The following RNF213 variants were observed in gnomAD, a reference collection of about 807,000 sequenced individuals.
The protein encoded by RNF213 is E3 ubiquitin-protein ligase RNF213.
A neutral mutation model predicts 514.4 loss-of-function variants in RNF213; 341 were observed. That is an observed-to-expected ratio of 0.66 (90% CI 0.61 to 0.73). RNF213 has a LOEUF of 0.73. Ranked by LOEUF, RNF213 falls within the 30% of genes least tolerant of loss-of-function variation. The pLI is 0.00. For synonymous variants in RNF213, 2,655 were observed against 2,658.2 expected, an observed-to-expected ratio of 1.00 and a Z score of 0.04; for missense variants, 5,767 against 6,615.6, an observed-to-expected ratio of 0.87 and a Z score of 4.45.
Position 80,289,767 on chromosome 17 carries a change from A to C in RNF213, c.1042A>C (p.Ser348Arg), listed in dbSNP as rs2044623605. The C allele has an allele frequency of 1.9e-6, 3 of 1,613,802 alleles. No homozygotes were observed. The South Asian group carries it at 3.3e-5, about 18-fold the overall frequency. The part of the protein sequence containing the change: ...DLKKPEGKNR[S>R]AAAVKNEKEQ... Reference sequence around the variant, plus strand: ...CAAGAAGCCAGAGGGGAAGAACAGAAGTGCAGCTGCTGTGAAAAACGAGAA... The same window carrying C: ...CAAGAAGCCAGAGGGGAAGAACAGACGTGCAGCTGCTGTGAAAAACGAGAA... The change falls in exon 6 of 68, where the codon AGT becomes CGT. Residue 348 changes from serine (S) to arginine (R), a missense_variant. Transcript: ENST00000582970.
At chr17:80,344,532 A>G (rs2078249067) in intron 28 of RNF213, 146 bp from the exon 29 acceptor site, 22 of 883,658 alleles carry the variant, frequency 2.5e-5, no homozygotes, top group Non-Finnish European at 3.8e-5. Flanking sequence ...TATGCTGTGG[A>G]AAAAAAGACT....
intron 42 of RNF213, chr17:80,365,081 C>T: frequency 5.3e-6 from 1 of 189,858 alleles, no homozygotes; most frequent in Non-Finnish European, 1.1e-5. Context: ...AACCTGTGAC[C>T]CTACAGTGAT....
intron 15 of RNF213, among the ~76,000 whole-genome samples, chr17:80,314,278 A>T (rs2045745018): frequency 1.1e-5 from 1 of 87,112 alleles, no homozygotes; most frequent in East Asian, 4.5e-4. Context: ...GTGATGGTGG[A>T]GGTACTGGAG....
chr17:80,284,117 T>C (rs1439696033), intron 3 of RNF213, among the ~76,000 whole-genome samples: 1 of 151,016 alleles, frequency 6.6e-6, no homozygotes, highest in Non-Finnish European at 1.5e-5. Flanking sequence ...CCCAGCACTT[T>C]GGGAGGCCGA....
At chr17:80,306,162 C>T in intron 11 of RNF213, 90 bp from the exon 12 acceptor site, 2 of 1,252,140 alleles carry the variant, frequency 1.6e-6, no homozygotes, top group Non-Finnish European at 2.3e-6. Context: ...GAATTCGGGA[C>T]TGTTTCTGTC....
intron 60 of RNF213, 32 bp downstream of exon 60, chr17:80,385,203 T>C (rs2080183828): frequency 6.2e-7 from 1 of 1,613,872 alleles, no homozygotes; most frequent in African/African-American, 1.3e-5. Context: ...ACCAGGACTG[T>C]CCCGCATTTG....
Position 80,371,702 on chromosome 17 carries a change from C to G in RNF213, c.12426-172C>G, listed in dbSNP as rs2079523560. On this transcript the variant is annotated intron_variant, in intron 46 of 67. Coordinates refer to ENST00000582970, the MANE Select transcript of RNF213 (RefSeq NM_001256071.3). ...TCTAAAATGTGAGTTTTATATTCCT[C>G]CAGTATTATGCTAAAAGGTTTTCCA... The G allele has an allele frequency of 5.4e-6, 3 of 558,822 alleles. No individual in the cohort carries two copies. The East Asian group carries it at 9.2e-5, about 17-fold the overall frequency. 34.6% of individuals were successfully genotyped at this position (558,822 alleles called of 1,614,324 possible). A position where few individuals can be genotyped will look rare whatever the true frequency, so the allele number is the denominator to read the frequency against.
Position 80,376,963 on chromosome 17 carries a change from A to G in RNF213, c.13510A>G (p.Thr4504Ala), listed in dbSNP as rs768187944. Residue 4504 changes from threonine (T) to alanine (A), a missense_variant and splice_region_variant, in exon 53 of 68, where the codon ACT becomes GCT. Thr to Ala is a moderately conservative substitution (Grantham distance 58). Transcript: ENST00000582970. Reference protein sequence around the residue: ...WKGLERVHWYTCPNGHPCSVG... With the variant: ...WKGLERVHWYACPNGHPCSVG... Reference sequence around the variant, plus strand: ...GGGTCTGGAGCGAGTCCACTGGTACAGTAAGTGTTGGGGTCTAGATGACCC... The same window carrying G: ...GGGTCTGGAGCGAGTCCACTGGTACGGTAAGTGTTGGGGTCTAGATGACCC... 100 of 1,612,508 alleles carry G rather than the reference A, an allele frequency of 6.2e-5. No homozygotes were observed. Among genetic ancestry groups the G allele is most frequent in the Non-Finnish European group, 8.4e-5 (99 of 1,178,794 alleles).
At position 80,264,816 on chromosome 17, in the gene RNF213, C is replaced by T. The variant is rs985449121; in HGVS notation, c.97+1038C>T. Among the ~76,000 whole-genome samples, 4 of 152,220 alleles carry T rather than the reference C, an allele frequency of 2.6e-5. No homozygotes were observed. Among genetic ancestry groups the T allele is most frequent in the Admixed American group, 2.6e-4 (4 of 15,270 alleles). On this transcript the variant is annotated intron_variant, in intron 2 of 67. Transcript: ENST00000582970. This position sits in a 1 kb window ranked among gnomAD's most constrained non-coding sequence, Gnocchi z 5.0. ...CACGAGGTCCTACATAGACGGCTGC[C>T]CACCCCATTCCTCTTGGCTCCCTCT...
intron 62 of RNF213, 103 bp downstream of exon 62, chr17:80,386,533 T>A (rs554376730): frequency 3.5e-6 from 5 of 1,436,574 alleles, no homozygotes; most frequent in African/African-American, 2.8e-5. Context: ...TAACAGACAC[T>A]CACTCCTTCA....
At chr17:80,328,136 G>A in intron 19 of RNF213, 147 bp downstream of exon 19, 1 of 1,163,228 alleles carries the variant, frequency 8.6e-7, no homozygotes, top group Non-Finnish European at 1.2e-6. Context: ...AGTTGATAGG[G>A]GTGGTTTATA....
At position 80,294,829 on chromosome 17, in the gene RNF213, G is replaced by C. The variant is rs1236003122; in HGVS notation, c.1581G>C (p.Gln527His). The change falls in exon 9 of 68, where the codon CAG (glutamine) becomes CAC (histidine). Residue 527 changes from glutamine (Q) to histidine (H), a missense_variant. This residue lies in a region of RNF213 where 592 missense variants were observed against 673.9 expected (regional missense o/e 0.88). Coordinates refer to ENST00000582970, the MANE Select transcript of RNF213 (RefSeq NM_001256071.3). ...GPRKDLVKGK[Q>H]IAAALMLDST... ...GGAAGGACCTGGTGAAGGGGAAGCAGATTGCCGCTGCGCTCATGCTGGACA... is the reference window on the plus strand; with the variant it reads ...GGAAGGACCTGGTGAAGGGGAAGCACATTGCCGCTGCGCTCATGCTGGACA... The C allele has an allele frequency of 1.2e-6, 2 of 1,614,232 alleles. No homozygotes were observed. Among genetic ancestry groups the C allele is most frequent in the Non-Finnish European group, 1.7e-6 (2 of 1,180,048 alleles).
chr17:80,325,724 G>A (rs1218493898), intron 18 of RNF213, among the ~76,000 whole-genome samples: 2 of 151,940 alleles, frequency 1.3e-5, no homozygotes, highest in African/African-American at 2.4e-5. Context: ...GAGGGAGAGA[G>A]AGAGACATTC....
Position 80,312,995 on chromosome 17 carries a change from C to G in RNF213, c.2656-17C>G, listed in dbSNP as rs1325541742. ...CACAGCCGAGGATGACTGACCCTCCCTCTTGTGTGACAACAGGATTCTGCA... is the reference window on the plus strand; with the variant it reads ...CACAGCCGAGGATGACTGACCCTCCGTCTTGTGTGACAACAGGATTCTGCA... On this transcript the variant is annotated splice_polypyrimidine_tract_variant and intron_variant, in intron 14 of 67. Transcript: ENST00000582970. 1.2e-6 allele frequency: 2 copies of G among 1,613,528 alleles called. No individual in the cohort carries two copies. Among genetic ancestry groups the G allele is most frequent in the South Asian group, 1.1e-5 (1 of 91,086 alleles).
intron 3 of RNF213, among the ~76,000 whole-genome samples, chr17:80,285,838 T>C (rs2044453637): frequency 6.6e-6 from 1 of 151,982 alleles, no homozygotes; most frequent in Non-Finnish European, 1.5e-5. Context: ...GCCCAGCTAA[T>C]TTTTTGTGTT....
Position 80,354,015 on chromosome 17 carries a change from A to C in RNF213, c.10579-4A>C, listed in dbSNP as rs1444308445. 1 of 1,613,724 alleles carries C rather than the reference A, an allele frequency of 6.2e-7. No individual in the cohort carries two copies. The highest frequency in any genetic ancestry group is 2.2e-5 in the East Asian group (1 of 44,880). On this transcript the variant is annotated splice_polypyrimidine_tract_variant and splice_region_variant and intron_variant, in intron 34 of 67. Coordinates refer to ENST00000582970, the MANE Select transcript of RNF213 (RefSeq NM_001256071.3). Reference sequence around the variant, plus strand: ...ACGGATGACCCAACCGTCTCCACCAACAGGTGTCGATCCTGGACACCACCA... The same window carrying C: ...ACGGATGACCCAACCGTCTCCACCACCAGGTGTCGATCCTGGACACCACCA...
chr17:80,338,713 C>T (rs1219467555), intron 25 of RNF213, among the ~76,000 whole-genome samples: 1 of 151,548 alleles, frequency 6.6e-6, no homozygotes, highest in Non-Finnish European at 1.5e-5. Flanking sequence ...CTTTGGGAGG[C>T]CGAGGCGGGC....
intron 42 of RNF213, 144 bp downstream of exon 42, chr17:80,364,697 C>G (rs574892891): frequency 1.1e-6 from 1 of 903,402 alleles, no homozygotes; most frequent in African/African-American, 1.6e-5. Flanking sequence ...GTGATTTCAT[C>G]ACTAGGCCAT....
rs139810998 is a variant in RNF213, at chr17:80,383,784, G to T, written c.14178G>T (p.Leu4726=). ...TATATGGTGACCCAGTGACCTTCCT[G>T]CCCCACCTGCCCCGGAAAAGTGTGG... ...KIIYGDPVTF[L]PHLPRKSVVH... is the part of the protein sequence containing the mutation. Residue 4726 remains leucine (L), a synonymous_variant, in exon 59 of 68, where the codon CTG becomes CTT. Coordinates refer to ENST00000582970, the MANE Select transcript of RNF213 (RefSeq NM_001256071.3). 3 of 1,614,022 alleles carry T rather than the reference G, an allele frequency of 1.9e-6. No individual in the cohort carries two copies. The highest frequency in any genetic ancestry group is 2.5e-6 in the Non-Finnish European group (3 of 1,180,020).
Sources: gnomAD v4.1 joint callset for allele counts (sites outside exome capture counted in the v4.1 genomes callset) on GRCh38, gnomAD v4.1.1 for gene constraint, gnomAD v4.1.1 regional missense constraint, Gnocchi (gnomAD v3.1) non-coding constraint, MANE v1.5 for transcripts, NCBI Gene and HGNC (gene_info 2026-07-23, HGNC 2026-07-21) for gene names.